NAV3: variants seen among roughly 807,000 people sequenced by gnomAD.
NAV3 encodes pore membrane and/or filament interacting like protein 1.
In NAV3, 87 loss-of-function variants were observed where a neutral mutation model predicts 244.7. That is an observed-to-expected ratio of 0.36 (90% CI 0.30 to 0.42). The LOEUF (loss-of-function observed/expected upper bound fraction) is 0.42. NAV3 is among the 20% of genes least tolerant of loss of function. The pLI, the probability that NAV3 is intolerant of heterozygous loss-of-function variation, is 1.00. For synonymous variants in NAV3, 1,126 were observed against 1,042.2 expected (o/e 1.08, Z -1.55); for missense variants, 2,663 against 2,893.3 (o/e 0.92, Z 1.83).
chr12:77,761,558 G>A (rs2090767), intron 2 of NAV3, among the ~76,000 whole-genome samples: 79,059 of 151,954 alleles, frequency 0.52, 21,513 homozygotes, highest in African/African-American at 0.69. Flanking sequence ...AGAATCTGCA[G>A]GGAACTTAAA....
At chr12:77,918,089 A>G (rs187826854) in intron 1 of NAV3, among the ~76,000 whole-genome samples, 1 of 152,082 alleles carries the variant, frequency 6.6e-6, no homozygotes, top group South Asian at 2.1e-4. Context: ...TTAAGACTTG[A>G]GTTTATACCT....
intron 1 of NAV3, among the ~76,000 whole-genome samples, chr12:77,923,300 A>G (rs1887888561): frequency 6.6e-6 from 1 of 152,142 alleles, no homozygotes. Flanking sequence ...AGAATTTTGA[A>G]TTTAAAAGTC....
At chr12:78,026,166 T>C (rs1244203959) in intron 9 of NAV3, among the ~76,000 whole-genome samples, 1 of 152,170 alleles carries the variant, frequency 6.6e-6, no homozygotes, top group East Asian at 1.9e-4. Context: ...ATCGATATTA[T>C]CTCATGGCTT....
intron 2 of NAV3, among the ~76,000 whole-genome samples, chr12:77,688,909 A>C (rs992454700): frequency 1.3e-5 from 2 of 151,926 alleles, no homozygotes; most frequent in Non-Finnish European, 2.9e-5. Context: ...TGATAAGCCA[A>C]CTGAAATTGG....
intron 5 of NAV3, among the ~76,000 whole-genome samples, chr12:77,976,347 T>C (rs1868371040): frequency 6.6e-6 from 1 of 152,114 alleles, no homozygotes; most frequent in Non-Finnish European, 1.5e-5. Context: ...CATGATTAAG[T>C]CACCAAAATC....
intron 39 of NAV3, among the ~76,000 whole-genome samples, chr12:78,205,657 G>A (rs1039070648): frequency 6.6e-6 from 1 of 151,708 alleles, no homozygotes; most frequent in Non-Finnish European, 1.5e-5. Context: ...CTAAAATAGT[G>A]GAATAATTGA....
intron 34 of NAV3, among the ~76,000 whole-genome samples, chr12:78,195,297 A>T (rs768123551): frequency 1.3e-5 from 2 of 151,924 alleles, no homozygotes; most frequent in Non-Finnish European, 2.9e-5. Flanking sequence ...TTCCCAAAAC[A>T]CATCATACAC....
At chr12:77,613,876 C>T (rs1194075368) in intron 2 of NAV3, among the ~76,000 whole-genome samples, 3 of 152,050 alleles carry the variant, frequency 2.0e-5, no homozygotes, top group African/African-American at 7.2e-5. Flanking sequence ...CCTGACGGCC[C>T]TTGTTTGATC....
chr12:77,735,042 T>C (rs988734310), intron 2 of NAV3, among the ~76,000 whole-genome samples: 1 of 152,180 alleles, frequency 6.6e-6, no homozygotes, highest in Non-Finnish European at 1.5e-5. Context: ...AATTGATATA[T>C]AAATGTCAGT....
At chr12:77,869,011 G>T (rs1228632536) in intron 1 of NAV3, among the ~76,000 whole-genome samples, 2 of 151,892 alleles carry the variant, frequency 1.3e-5, no homozygotes, top group African/African-American at 4.8e-5. Flanking sequence ...GGTGGAGGTT[G>T]CAGTGAACCG....
chr12:78,152,957 G>T (rs1385189298), intron 22 of NAV3, among the ~76,000 whole-genome samples: 1 of 151,830 alleles, frequency 6.6e-6, no homozygotes, highest in African/African-American at 2.4e-5. Context: ...CAATGAGTTT[G>T]GTTCTAAGAA....
intron 2 of NAV3, among the ~76,000 whole-genome samples, chr12:77,762,928 A>G (rs537283411): frequency 2.6e-5 from 4 of 152,336 alleles, no homozygotes; most frequent in South Asian, 2.1e-4. Context: ...CCTGCACACA[A>G]TTGTAATCAC....
intron 1 of NAV3, among the ~76,000 whole-genome samples, chr12:77,893,134 G>T (rs1280859249): frequency 2.0e-5 from 3 of 151,982 alleles, no homozygotes; most frequent in African/African-American, 7.3e-5. Context: ...AGCATGTAAA[G>T]GATCTTTATA....
chr12:77,719,388 G>A (rs941510578), intron 2 of NAV3, among the ~76,000 whole-genome samples: 2 of 151,024 alleles, frequency 1.3e-5, no homozygotes, highest in African/African-American at 4.9e-5. Context: ...TTTTTCTAAG[G>A]CAAATCTTTC....
intron 2 of NAV3, among the ~76,000 whole-genome samples, chr12:77,817,439 T>C (rs1872566360): frequency 6.6e-6 from 1 of 152,150 alleles, no homozygotes; most frequent in African/African-American, 2.4e-5. Context: ...TTACTTAATA[T>C]AAGAAGTTTT....
At chr12:78,154,302 T>G (rs1041374996) in intron 22 of NAV3, among the ~76,000 whole-genome samples, 19 of 141,118 alleles carry the variant, frequency 1.3e-4, no homozygotes, top group Non-Finnish European at 1.7e-4. Flanking sequence ...TATATTACTA[T>G]ATAATATATA....
In NAV3 at chr12:77,966,221, T is replaced by C. The variant is rs1056577496; in HGVS notation, c.415-8T>C. On this transcript the variant is annotated splice_region_variant and splice_polypyrimidine_tract_variant and intron_variant, in intron 3 of 39. Transcript: ENST00000397909. Reference sequence around the variant, plus strand: ...TAAGTTGCTTTTTCACTGCTTTTCATGTTGCAGATTGAAAATGTTGATGTC... The same window carrying C: ...TAAGTTGCTTTTTCACTGCTTTTCACGTTGCAGATTGAAAATGTTGATGTC... 4 of 1,613,330 alleles carry C rather than the reference T, an allele frequency of 2.5e-6. No homozygotes were observed. Among genetic ancestry groups the C allele is most frequent in the South Asian group, 2.2e-5 (2 of 90,944 alleles).
intron 2 of NAV3, among the ~76,000 whole-genome samples, chr12:77,657,947 G>A (rs1873204120): frequency 1.3e-5 from 2 of 152,104 alleles, no homozygotes; most frequent in Admixed American, 6.5e-5. Flanking sequence ...AGGTATTGAT[G>A]GGATGTATCT....
At chr12:78,095,661 A>G (rs539136969) in intron 12 of NAV3, among the ~76,000 whole-genome samples, 17 of 152,320 alleles carry the variant, frequency 1.1e-4, no homozygotes, top group Admixed American at 8.5e-4. Flanking sequence ...CGTGAAGACA[A>G]TGGCAACACA....
Sources: allele counts gnomAD v4.1 joint callset (sites outside exome capture counted in the v4.1 genomes callset), GRCh38; gene constraint gnomAD v4.1.1; transcripts MANE v1.5; gene names NCBI Gene and HGNC (gene_info 2026-07-23, HGNC 2026-07-21).